Variants in IL1RL2 observed in about 807,000 individuals in gnomAD.
IL1RL2 encodes interleukin-1 receptor-like 2.
In IL1RL2, 68 loss-of-function variants were observed where a neutral mutation model predicts 66.8. The ratio of observed to expected loss-of-function variants is 1.02; its 90% CI spans 0.84 to 1.25. The LOEUF is 1.25. IL1RL2 is among the 50% of genes most tolerant of loss of function. The pLI is 0.00. For synonymous variants in IL1RL2, 305 were observed against 264.6 expected (o/e 1.15, Z -1.48); for missense variants, 729 against 709.3 (o/e 1.03, Z -0.32).
intron 6 of IL1RL2, among the ~76,000 whole-genome samples, chr2:102,216,409 T>C (rs1382286087): frequency 6.6e-6 from 1 of 152,200 alleles, no homozygotes; most frequent in Non-Finnish European, 1.5e-5. Context: ...ATATCTTTTT[T>C]TCATCTCTTC....
chr2:102,237,240 A>G (rs1674964255), intron 11 of IL1RL2, among the ~76,000 whole-genome samples: 1 of 152,184 alleles, frequency 6.6e-6, no homozygotes, highest in Non-Finnish European at 1.5e-5. Context: ...TCAAATCTGA[A>G]TGGGGTGGGT....
intron 11 of IL1RL2, 143 bp downstream of exon 11, chr2:102,235,420 T>C (rs989844367): frequency 1.9e-5 from 28 of 1,448,756 alleles, no homozygotes; most frequent in Non-Finnish European, 2.5e-5. Flanking sequence ...AGAGGATCTG[T>C]TGTGTTTGTT....
Position 102,233,056 on chromosome 2 carries a change from C to G in IL1RL2, c.1229C>G (p.Pro410Arg). ...GATGCCCTGGTGTTGAATATCCTGC[C>G]CGAGGTGTTGGAGAGACAATGTGGA... ...AVDALVLNIL[P>R]EVLERQCGYK... Residue 410 changes from proline (P) to arginine (R), a missense_variant, in exon 10 of 12, where the codon CCC becomes CGC. By Grantham distance (103) the Pro-to-Arg change is moderately radical. Transcript: ENST00000264257. The G allele has an allele frequency of 6.2e-7, 1 of 1,614,132 alleles. No homozygotes were observed. Among genetic ancestry groups the G allele is most frequent in the Non-Finnish European group, 8.5e-7 (1 of 1,180,002 alleles).
In IL1RL2 at chr2:102,219,026, T is replaced by C; in HGVS notation, c.798T>C (p.Asn266=). ...DNTNLRCWRV[N]NTLVDDYYDE... Reference sequence around the variant, plus strand: ...CAAATCTACGATGCTGGAGAGTCAATAACACTTTGGTGGATGATTACTATG... The same window carrying C: ...CAAATCTACGATGCTGGAGAGTCAACAACACTTTGGTGGATGATTACTATG... Residue 266 remains asparagine, a synonymous_variant, in exon 7 of 12, where the codon AAT becomes AAC. Coordinates refer to ENST00000264257, the MANE Select transcript of IL1RL2 (RefSeq NM_003854.4). The C allele has an allele frequency of 6.2e-7, 1 of 1,613,884 alleles. No individual in the cohort carries two copies. The highest frequency in any genetic ancestry group is 8.5e-7 in the Non-Finnish European group (1 of 1,179,772).
chr2:102,235,639 T>C lies in IL1RL2; in HGVS notation c.1678+362T>C, dbSNP rs796849389. 2.4e-5 allele frequency: 24 copies of C among 985,304 alleles called. No homozygotes were observed. In the African/African-American group the frequency reaches 3.3e-4, roughly 14 times the overall value. The allele number at this position is 985,304 out of a possible 1,614,324, so 61.0% of individuals were successfully genotyped here. A position where few individuals can be genotyped will look rare whatever the true frequency, so the allele number is the denominator to read the frequency against. On this transcript the variant is annotated intron_variant, in intron 11 of 11. Transcript: ENST00000264257. ...AAGTTTGCCCATGATGTGGCACCCA[T>C]AGAGTCTGAGATGGGAGCCTGTGCT...
chr2:102,199,957 G>A (rs141093485), intron 4 of IL1RL2, among the ~76,000 whole-genome samples: 18 of 152,026 alleles, frequency 1.2e-4, no homozygotes, highest in Non-Finnish European at 2.2e-4. Flanking sequence ...TCAGGTGTTC[G>A]AGACCAGCCT....
intron 5 of IL1RL2, among the ~76,000 whole-genome samples, chr2:102,203,344 C>CT (rs796961247): frequency 0.016 from 1,198 of 76,674 alleles, 13 homozygotes; most frequent in African/African-American, 0.032. Flanking sequence ...TTTTCTCTCT[C>CT]TTTTTTTTTT....
chr2:102,214,601 A>G (rs1012937703), intron 6 of IL1RL2, among the ~76,000 whole-genome samples: 2 of 152,196 alleles, frequency 1.3e-5, no homozygotes, highest in African/African-American at 4.8e-5. Flanking sequence ...AACACTCAGT[A>G]TTAAAAATGT....
In IL1RL2 at chr2:102,231,347, A is replaced by C. The variant is rs144309865; in HGVS notation, c.1136-1616A>C. ...ACCCCGTCTCTGCTAAAAGTACAAA[A>C]ATTAGCCGGGCCTGGTGGCGGGCGC... On this transcript the variant is annotated intron_variant, in intron 9 of 11. Transcript: ENST00000264257. Among the ~76,000 whole-genome samples the C allele has an allele frequency of 2.4e-3, 362 of 152,176 alleles. 3 individuals are homozygous for C. The highest frequency in any genetic ancestry group is 7.8e-3 in the African/African-American group (325 of 41,522).
At chr2:102,187,829 T>C in intron 1 of IL1RL2, 27 bp from the exon 2 acceptor site, 1 of 936,574 alleles carries the variant, frequency 1.1e-6, no homozygotes, top group Non-Finnish European at 1.6e-6. Flanking sequence ...CGTCCTCCCC[T>C]CCCACCCTCT....
chr2:102,195,356 CT>C (rs1186823306), intron 4 of IL1RL2, among the ~76,000 whole-genome samples: 3 of 151,988 alleles, frequency 2.0e-5, no homozygotes, highest in Admixed American at 1.3e-4. Flanking sequence ...ATATTTTCTT[CT>C]TGAAGTTTCA....
At chr2:102,232,903 T>A in intron 9 of IL1RL2, 60 bp from the exon 10 acceptor site, 1 of 1,566,848 alleles carries the variant, frequency 6.4e-7, no homozygotes, top group Admixed American at 1.7e-5. Context: ...GGCTTCCGGT[T>A]TATTAACATG....
intron 5 of IL1RL2, among the ~76,000 whole-genome samples, chr2:102,204,774 CA>C (rs1688562545): frequency 6.6e-6 from 1 of 151,496 alleles, no homozygotes; most frequent in African/African-American, 2.4e-5. Context: ...AGTGTGGAAA[CA>C]ATCAATGGGT....
At chr2:102,237,189 G>A (rs899956497) in intron 11 of IL1RL2, among the ~76,000 whole-genome samples, 5 of 152,188 alleles carry the variant, frequency 3.3e-5, no homozygotes, top group African/African-American at 9.7e-5. Flanking sequence ...CCTGCAGAGG[G>A]AAATGGCTGG....
intron 4 of IL1RL2, among the ~76,000 whole-genome samples, chr2:102,192,488 C>G (rs1039910250): frequency 5.3e-5 from 8 of 152,086 alleles, no homozygotes; most frequent in African/African-American, 1.9e-4. Flanking sequence ...TTCCTGCTAC[C>G]GTTCCATATT....
intron 6 of IL1RL2, among the ~76,000 whole-genome samples, chr2:102,213,184 A>G (rs1487889609): frequency 6.6e-6 from 1 of 152,210 alleles, no homozygotes; most frequent in East Asian, 1.9e-4. Flanking sequence ...AGATTTTAAC[A>G]TACTCTTGCT....
intron 6 of IL1RL2, among the ~76,000 whole-genome samples, 177 bp downstream of exon 6, chr2:102,212,351 C>T (rs953983609): frequency 6.6e-5 from 10 of 151,924 alleles, no homozygotes; most frequent in African/African-American, 9.7e-5. Flanking sequence ...ACCAGAGAGC[C>T]GAAGCATGGA....
chr2:102,190,745 G>A (rs1486288372), intron 3 of IL1RL2, among the ~76,000 whole-genome samples: 2 of 152,230 alleles, frequency 1.3e-5, no homozygotes, highest in East Asian at 3.8e-4. Context: ...CCTAGGCTGT[G>A]AATTATTAAC....
chr2:102,234,994 G>A lies in IL1RL2; in HGVS notation c.1395G>A (p.Leu465=). Residue 465 remains leucine, a synonymous_variant, in exon 11 of 12, where the codon CTG becomes CTA. Coordinates refer to ENST00000264257, the MANE Select transcript of IL1RL2 (RefSeq NM_003854.4). ...ESLGFGLLKN[L]SEEQIAVYSA... ...TGGGCTTTGGCCTGTTGAAGAACCT[G>A]TCAGAAGAACAAATCGCGGTCTACA... is the stretch of plus-strand genomic sequence containing the variant. 15 of 1,614,190 alleles carry A rather than the reference G, an allele frequency of 9.3e-6. No individual in the cohort carries two copies. Among genetic ancestry groups the A allele is most frequent in the Non-Finnish European group, 1.3e-5 (15 of 1,180,052 alleles).
Sources: gnomAD v4.1 joint callset for allele counts (sites outside exome capture counted in the v4.1 genomes callset) on GRCh38, gnomAD v4.1.1 for gene constraint, MANE v1.5 for transcripts, NCBI Gene and HGNC (gene_info 2026-07-23, HGNC 2026-07-21) for gene names.